The following ZNF804A variants were observed in gnomAD, a reference collection of about 807,000 sequenced individuals.
ZNF804A encodes the protein zinc finger protein 804A.
ZNF804A carries 2 observed loss-of-function variants against 16.5 expected under a neutral mutation model. The observed-to-expected ratio is 0.12, with a 90% CI of 0.05 to 0.38. ZNF804A has a LOEUF of 0.38. ZNF804A is among the 10% of genes least tolerant of loss of function. The probability of loss-of-function intolerance (pLI) is 0.99; values close to 1 mark genes in which losing one functional copy is unlikely to be tolerated. For missense variants in ZNF804A, 1,473 were observed against 1,390.7 expected, an observed-to-expected ratio of 1.06 and a Z score of -0.94; for synonymous variants, 534 against 489.6, an observed-to-expected ratio of 1.09 and a Z score of -1.20.
At chr2:184,619,993 G>A (rs1175747894) in intron 1 of ZNF804A, among the ~76,000 whole-genome samples, 4 of 151,648 alleles carry the variant, frequency 2.6e-5, no homozygotes, top group Non-Finnish European at 5.9e-5. Context: ...AAGTGTGTGA[G>A]CATCCCTAGG....
At chr2:184,640,817 C>G (rs1691784288) in intron 1 of ZNF804A, among the ~76,000 whole-genome samples, 1 of 152,156 alleles carries the variant, frequency 6.6e-6, no homozygotes, top group Non-Finnish European at 1.5e-5. Flanking sequence ...CATGGGGCAT[C>G]TCCCGTCTTG....
At chr2:184,849,019 G>A (rs146503057) in intron 1 of ZNF804A, among the ~76,000 whole-genome samples, 1 of 152,008 alleles carries the variant, frequency 6.6e-6, no homozygotes, top group East Asian at 1.9e-4. Flanking sequence ...GGTAAAAAAG[G>A]AAAACAAATA....
intron 1 of ZNF804A, among the ~76,000 whole-genome samples, chr2:184,718,073 T>C (rs1000755456): frequency 2.6e-5 from 4 of 152,150 alleles, no homozygotes; most frequent in Non-Finnish European, 5.9e-5. Flanking sequence ...AGAAAGAGGT[T>C]TATTGGACTT....
intron 2 of ZNF804A, among the ~76,000 whole-genome samples, chr2:184,882,393 G>T (rs1684822028): frequency 6.6e-6 from 1 of 151,998 alleles, no homozygotes; most frequent in African/African-American, 2.4e-5. Context: ...ATATTTGACA[G>T]ATCATTGAGG....
chr2:184,874,617 A>G (rs1353989830), intron 2 of ZNF804A, among the ~76,000 whole-genome samples: 2 of 152,196 alleles, frequency 1.3e-5, no homozygotes, highest in African/African-American at 4.8e-5. Context: ...AGTAATTATC[A>G]GAGTAATCTT....
At chr2:184,616,023 T>C (rs963000192) in intron 1 of ZNF804A, among the ~76,000 whole-genome samples, 4 of 152,228 alleles carry the variant, frequency 2.6e-5, no homozygotes, top group African/African-American at 9.6e-5. Context: ...AGGGTCACCT[T>C]TGAATCTGTC....
At chr2:184,883,354 G>A (rs983013264) in intron 2 of ZNF804A, among the ~76,000 whole-genome samples, 3 of 151,976 alleles carry the variant, frequency 2.0e-5, no homozygotes, top group African/African-American at 7.2e-5. Context: ...ATATAAAGAA[G>A]AGCTGGTACC....
At chr2:184,791,250 GC>G (rs1282899811) in intron 1 of ZNF804A, among the ~76,000 whole-genome samples, 1 of 152,080 alleles carries the variant, frequency 6.6e-6, no homozygotes, top group African/African-American at 2.4e-5. Flanking sequence ...TTTGATTGTT[GC>G]TTTATAGGAC....
chr2:184,890,663 A>C (rs1383331259), intron 2 of ZNF804A, among the ~76,000 whole-genome samples: 1 of 151,988 alleles, frequency 6.6e-6, no homozygotes, highest in African/African-American at 2.4e-5. Context: ...TCTATTTACT[A>C]AATAATGATT....
Position 184,899,740 on chromosome 2 carries a change from CTTA to C in ZNF804A, c.255+33231_255+33233del, listed in dbSNP as rs1360376879. ...TTATTTTTTATTTTAAAATTTGAAT[CTTA>C]TTTGTTTCTGTTTAAGGTGAATATA... On this transcript the variant is annotated intron_variant, in intron 2 of 3. Transcript: ENST00000302277. Among the ~76,000 whole-genome samples the C allele has an allele frequency of 3.3e-5, 5 of 151,666 alleles. No homozygotes were observed. In the South Asian group the frequency reaches 6.2e-4, roughly 19 times the overall value.
At chr2:184,849,059 C>T (rs140882366) in intron 1 of ZNF804A, among the ~76,000 whole-genome samples, 1 of 152,110 alleles carries the variant, frequency 6.6e-6, no homozygotes. Context: ...ACTATTACAA[C>T]TAACTGGTGC....
intron 1 of ZNF804A, among the ~76,000 whole-genome samples, chr2:184,641,370 A>G (rs562880491): frequency 1.3e-5 from 2 of 152,328 alleles, no homozygotes; most frequent in South Asian, 4.1e-4. Context: ...AGTATAATCT[A>G]TAATGACAGA....
At chr2:184,617,885 G>A (rs1691352306) in intron 1 of ZNF804A, among the ~76,000 whole-genome samples, 1 of 151,596 alleles carries the variant, frequency 6.6e-6, no homozygotes, top group African/African-American at 2.4e-5. Flanking sequence ...GTCAAACATT[G>A]CAGCAACTAT....
At chr2:184,933,839 A>G in intron 3 of ZNF804A, 106 bp downstream of exon 3, 1 of 1,157,556 alleles carries the variant, frequency 8.6e-7, no homozygotes, top group Non-Finnish European at 1.2e-6. Flanking sequence ...TGTACCCAGA[A>G]TAAGGCACAC....
chr2:184,809,692 G>A (rs1694862394), intron 1 of ZNF804A, among the ~76,000 whole-genome samples: 1 of 151,670 alleles, frequency 6.6e-6, no homozygotes, highest in Non-Finnish European at 1.5e-5. Context: ...GCTTTTTAAG[G>A]TGGGGGTCAA....
At chr2:184,721,426 T>C (rs968681470) in intron 1 of ZNF804A, among the ~76,000 whole-genome samples, 1 of 151,902 alleles carries the variant, frequency 6.6e-6, no homozygotes, top group Non-Finnish European at 1.5e-5. Flanking sequence ...CAAAGGACAT[T>C]CATAGATATT....
chr2:184,856,881 C>A (rs1338698187), intron 1 of ZNF804A, among the ~76,000 whole-genome samples: 7 of 152,074 alleles, frequency 4.6e-5, no homozygotes, highest in African/African-American at 1.7e-4. Flanking sequence ...ACTCTAGTCT[C>A]AAGCATATCA....
At chr2:184,757,255 T>C (rs1392509362) in intron 1 of ZNF804A, among the ~76,000 whole-genome samples, 4 of 152,018 alleles carry the variant, frequency 2.6e-5, no homozygotes, top group Non-Finnish European at 5.9e-5. Flanking sequence ...CAATGTGAAC[T>C]TCAGGTTTGT....
intron 1 of ZNF804A, among the ~76,000 whole-genome samples, chr2:184,768,755 G>GA (rs1392810261): frequency 6.6e-6 from 1 of 151,904 alleles, no homozygotes; most frequent in Admixed American, 6.6e-5. Flanking sequence ...CTATAATTTT[G>GA]GACCTTTGTT....
Sources: gnomAD v4.1 joint callset for allele counts (sites outside exome capture counted in the v4.1 genomes callset) on GRCh38, gnomAD v4.1.1 for gene constraint, MANE v1.5 for transcripts, NCBI Gene and HGNC (gene_info 2026-07-23, HGNC 2026-07-21) for gene names.